The following ABLIM2 variants were observed in gnomAD, a reference collection of about 807,000 sequenced individuals.
ABLIM2 encodes the protein actin binding LIM protein family member 2, also known as actin-binding LIM protein 2.
ABLIM2 carries 53 observed loss-of-function variants against 97.7 expected under a neutral mutation model. That is an observed-to-expected ratio of 0.54 (90% CI 0.44 to 0.68). The LOEUF (loss-of-function observed/expected upper bound fraction) is 0.68, where lower values mean the gene tolerates loss of function less well. Among genes scored for constraint, ABLIM2 ranks in the 30% least tolerant of loss-of-function variants. The probability of loss-of-function intolerance (pLI) is 0.00; values close to 1 mark genes in which losing one functional copy is unlikely to be tolerated. For synonymous variants in ABLIM2, 361 were observed against 345.8 expected, an observed-to-expected ratio of 1.04 and a Z score of -0.49; for missense variants, 835 against 867.2, an observed-to-expected ratio of 0.96 and a Z score of 0.47.
At chr4:8,091,517 A>ATAT (rs373988020) in intron 3 of ABLIM2, among the ~76,000 whole-genome samples, 21,387 of 57,106 alleles carry the variant, frequency 0.37, 6,695 homozygotes, top group Middle Eastern at 0.5. Flanking sequence ...AAAATATAAA[A>ATAT]TATATATTAT....
intron 5 of ABLIM2, among the ~76,000 whole-genome samples, chr4:8,079,636 T>C (rs1818475881): frequency 6.6e-6 from 1 of 152,158 alleles, no homozygotes; most frequent in Non-Finnish European, 1.5e-5. Context: ...CTTCGCCTAG[T>C]TTCCCCCAGT....
At chr4:8,145,447 G>A (rs1851636997) in intron 1 of ABLIM2, among the ~76,000 whole-genome samples, 1 of 152,056 alleles carries the variant, frequency 6.6e-6, no homozygotes, top group East Asian at 1.9e-4. Flanking sequence ...GCTTCCCAAA[G>A]TGCTGGGATT....
rs1033770127 is a variant in ABLIM2 at position 8,149,654 on chromosome 4, T to A, written c.10+9026A>T. On this transcript the variant is annotated intron_variant, in intron 1 of 20. Coordinates refer to ENST00000447017, the MANE Select transcript of ABLIM2 (RefSeq NM_001130083.2). The surrounding 1 kb of genome is among the most constrained non-coding windows in gnomAD (Gnocchi z 6.4). ...GGAAGAATGCAAGGCTGTTGGGGGA[T>A]CAGGGCAAAGACAGCACATAGTAGG... 6.6e-5 allele frequency among the ~76,000 whole-genome samples: 10 copies of A among 151,530 alleles called. No individual in the cohort carries two copies. Among genetic ancestry groups the A allele is most frequent in the African/African-American group, 2.4e-4 (10 of 41,222 alleles).
rs997853781 is a variant in ABLIM2 at position 8,095,967 on chromosome 4, A to G, written c.338+1132T>C. Among the ~76,000 whole-genome samples, 1 of 152,188 alleles carries G rather than the reference A, an allele frequency of 6.6e-6. No individual in the cohort carries two copies. The highest frequency in any genetic ancestry group is 1.5e-5 in the Non-Finnish European group (1 of 68,034). ...GTCAAAGACTCCAAGGTACCTGTGC[A>G]GTTCGGCGCTCTTGCTCTGTGGTGC... On this transcript the variant is annotated intron_variant, in intron 3 of 20. Transcript: ENST00000447017. The surrounding 1 kb of genome is among the most constrained non-coding windows in gnomAD (Gnocchi z 4.7).
chr4:8,143,407 G>A (rs924388143), intron 1 of ABLIM2, among the ~76,000 whole-genome samples: 3 of 152,156 alleles, frequency 2.0e-5, no homozygotes, highest in Non-Finnish European at 4.4e-5. Flanking sequence ...AAGGCAGATA[G>A]CACTGTGGAG....
intron 8 of ABLIM2, among the ~76,000 whole-genome samples, chr4:8,051,562 CA>C (rs36056609): frequency 3.3e-4 from 36 of 107,898 alleles, no homozygotes; most frequent in Admixed American, 6.1e-4. Context: ...GATTCCATCT[CA>C]AAAAAAAAAA....
chr4:8,135,768 C>T (rs1014290104), intron 1 of ABLIM2, among the ~76,000 whole-genome samples: 27 of 152,204 alleles, frequency 1.8e-4, no homozygotes, highest in Admixed American at 1.6e-3. Flanking sequence ...GCACCCAGCC[C>T]GGAGGCCGGC....
At chr4:7,977,998 A>T (rs1734907274) in intron 20 of ABLIM2, among the ~76,000 whole-genome samples, 1 of 152,114 alleles carries the variant, frequency 6.6e-6, no homozygotes, top group African/African-American at 2.4e-5. Context: ...TCTCCCACTG[A>T]GTTATCAGCT....
intron 17 of ABLIM2, among the ~76,000 whole-genome samples, chr4:7,991,379 A>T (rs1748587046): frequency 7.0e-6 from 1 of 143,722 alleles, no homozygotes; most frequent in Non-Finnish European, 1.5e-5. Flanking sequence ...CCTCACTCGG[A>T]TGGTGGAACA....
rs1286336323 is a variant in ABLIM2, at chr4:8,147,585, T to C, written c.10+11095A>G. On this transcript the variant is annotated intron_variant, in intron 1 of 20. Coordinates refer to ENST00000447017, the MANE Select transcript of ABLIM2 (RefSeq NM_001130083.2). This position sits in a 1 kb window ranked among gnomAD's most constrained non-coding sequence, Gnocchi z 5.3. ...GGAGACGACACACACAGGGGAGAAGTAGCATGAAGATGGAGCTGAGGGAGG... is the reference window on the plus strand; with the variant it reads ...GGAGACGACACACACAGGGGAGAAGCAGCATGAAGATGGAGCTGAGGGAGG... Among the ~76,000 whole-genome samples, 1 of 152,100 alleles carries C rather than the reference T, an allele frequency of 6.6e-6. No homozygotes were observed. Among genetic ancestry groups the C allele is most frequent in the African/African-American group, 2.4e-5 (1 of 41,402 alleles).
chr4:7,985,582 G>T (rs1483226485), intron 17 of ABLIM2, among the ~76,000 whole-genome samples: 10 of 152,304 alleles, frequency 6.6e-5, no homozygotes, highest in African/African-American at 2.4e-4. Context: ...CCTGGAAACC[G>T]TGGTACTCAC....
rs1371838697 is a variant in ABLIM2, at chr4:8,149,432, C to T, written c.10+9248G>A. On this transcript the variant is annotated intron_variant, in intron 1 of 20. Transcript: ENST00000447017. The surrounding 1 kb of genome is among the most constrained non-coding windows in gnomAD (Gnocchi z 6.4). ...AGAGAGGGCAGGTCCCAGCTCCAGG[C>T]TGCAGAGCAGGCAGGAGCAGGCACA... Among the ~76,000 whole-genome samples the T allele has an allele frequency of 6.6e-6, 1 of 152,060 alleles. No homozygotes were observed. Among genetic ancestry groups the T allele is most frequent in the Non-Finnish European group, 1.5e-5 (1 of 68,030 alleles).
rs987591690 is a variant in ABLIM2, at chr4:8,112,458, C to T, written c.11-5821G>A. The stretch of plus-strand genomic sequence containing the variant: ...CCACGTGCAAGGTCTGACAGGTGGC[C>T]GTGAACAGTAGCTGTTAGCTGAATC... On this transcript the variant is annotated intron_variant, in intron 1 of 20. Transcript: ENST00000447017. The surrounding 1 kb of genome is among the most constrained non-coding windows in gnomAD (Gnocchi z 4.2). Among the ~76,000 whole-genome samples the T allele has an allele frequency of 5.9e-5, 9 of 152,170 alleles. No individual in the cohort carries two copies. The highest frequency in any genetic ancestry group is 1.4e-4 in the African/African-American group (6 of 41,452).
intron 9 of ABLIM2, chr4:8,041,220 C>T (rs13146393): frequency 0.29 from 43,443 of 152,260 alleles, 6,855 homozygotes; most frequent in African/African-American, 0.4. Flanking sequence ...GGCGTCCCAC[C>T]TGAAACCCCC....
At chr4:8,065,420 C>T (rs1402411615) in intron 6 of ABLIM2, among the ~76,000 whole-genome samples, 1 of 152,060 alleles carries the variant, frequency 6.6e-6, no homozygotes, top group Non-Finnish European at 1.5e-5. Flanking sequence ...AGGGTAGCTA[C>T]AATAATAACA....
rs1848350822 is a variant in ABLIM2 at position 8,127,174 on chromosome 4, A to G, written c.11-20537T>C. ...TCACCACCTTAAAGGAAAAAAGAAA[A>G]GGGAGGGAGGGAGGCCCAGACGCTG... is the stretch of plus-strand genomic sequence containing the variant. On this transcript the variant is annotated intron_variant, in intron 1 of 20. Coordinates refer to ENST00000447017, the MANE Select transcript of ABLIM2 (RefSeq NM_001130083.2). This position sits in a 1 kb window ranked among gnomAD's most constrained non-coding sequence, Gnocchi z 7.3. Among the ~76,000 whole-genome samples the G allele has an allele frequency of 6.6e-6, 1 of 152,000 alleles. No homozygotes were observed. The highest frequency in any genetic ancestry group is 2.4e-5 in the African/African-American group (1 of 41,392).
At position 8,019,881 on chromosome 4, in the gene ABLIM2, G is replaced by C. The variant is rs1483496536; in HGVS notation, c.1370-210C>G. ...GCCACCCTCATCTGCAGGAGATGGG[G>C]CAGCAGCCAGGAACCTTGTGGTCCC... On this transcript the variant is annotated intron_variant, in intron 13 of 20. Transcript: ENST00000447017. The surrounding 1 kb of genome is among the most constrained non-coding windows in gnomAD (Gnocchi z 4.3). 6.6e-6 allele frequency among the ~76,000 whole-genome samples: 1 copy of C among 152,188 alleles called. No individual in the cohort carries two copies. Among genetic ancestry groups the C allele is most frequent in the African/African-American group, 2.4e-5 (1 of 41,448 alleles).
At position 8,083,251 on chromosome 4, in the gene ABLIM2, C is replaced by T. The variant is rs1057007958; in HGVS notation, c.455-2449G>A. On this transcript the variant is annotated intron_variant, in intron 4 of 20. Transcript: ENST00000447017. This position sits in a 1 kb window ranked among gnomAD's most constrained non-coding sequence, Gnocchi z 4.6. ...AGCGGTCAGATCCCAGCAATGCCCCCCACCGGCTGTGACCTGGGGAAGTCA... is the reference window on the plus strand; with the variant it reads ...AGCGGTCAGATCCCAGCAATGCCCCTCACCGGCTGTGACCTGGGGAAGTCA... 6.6e-6 allele frequency among the ~76,000 whole-genome samples: 1 copy of T among 152,216 alleles called. No homozygotes were observed. The highest frequency in any genetic ancestry group is 1.5e-5 in the Non-Finnish European group (1 of 68,036).
intron 4 of ABLIM2, among the ~76,000 whole-genome samples, chr4:8,086,001 A>T (rs1215793718): frequency 6.6e-6 from 1 of 152,140 alleles, no homozygotes; most frequent in East Asian, 1.9e-4. Flanking sequence ...CCTGCAGAAG[A>T]GCTCCTCCAG....
Sources: allele counts gnomAD v4.1 joint callset (sites outside exome capture counted in the v4.1 genomes callset), GRCh38; gene constraint gnomAD v4.1.1; non-coding constraint Gnocchi (gnomAD v3.1); transcripts MANE v1.5; gene names NCBI Gene and HGNC (gene_info 2026-07-23, HGNC 2026-07-21).